KCNMB2: variants seen among roughly 807,000 people sequenced by gnomAD.
The protein encoded by KCNMB2 is calcium-activated potassium channel subunit beta-2.
KCNMB2 carries 9 observed loss-of-function variants against 24.5 expected under a neutral mutation model. The ratio of observed to expected loss-of-function variants is 0.37; its 90% CI spans 0.22 to 0.64. KCNMB2 has a LOEUF of 0.64. Among genes scored for constraint, KCNMB2 ranks in the 30% least tolerant of loss-of-function variants. The pLI, the probability that KCNMB2 is intolerant of heterozygous loss-of-function variation, is 0.63. For missense variants in KCNMB2, 226 were observed against 284.3 expected (o/e 0.79, Z 1.47); for synonymous variants, 109 against 104.4 (o/e 1.04, Z -0.27).
intron 2 of KCNMB2, among the ~76,000 whole-genome samples, chr3:178,824,314 T>C (rs1211922606): frequency 1.3e-5 from 2 of 152,240 alleles, no homozygotes; most frequent in African/African-American, 4.8e-5. Context: ...CATTGAGCTG[T>C]AGCTCCCCAC....
chr3:178,555,799 T>C (rs1320285470), intron 1 of KCNMB2, among the ~76,000 whole-genome samples: 1 of 152,194 alleles, frequency 6.6e-6, no homozygotes, highest in African/African-American at 2.4e-5. Flanking sequence ...AGACTATACA[T>C]ATGGTGCTAT....
intron 2 of KCNMB2, among the ~76,000 whole-genome samples, chr3:178,816,487 A>T (rs904352156): frequency 4.6e-5 from 7 of 151,898 alleles, no homozygotes; most frequent in African/African-American, 1.7e-4. Flanking sequence ...TTTCTGCTCA[A>T]GTTTATTATT....
rs1577066340 is a variant in KCNMB2 at position 178,639,941 on chromosome 3, T to C, written c.-68+103230T>C. Among the ~76,000 whole-genome samples, 3 of 152,352 alleles carry C rather than the reference T, an allele frequency of 2.0e-5. No homozygotes were observed. The South Asian group carries it at 6.2e-4, about 32-fold the overall frequency. ...GGATGGAATCAGTGTGAGCATGTAT[T>C]AACCTCATGGCTAAAAGTAGGAAAG... On this transcript the variant is annotated intron_variant, in intron 1 of 4. Transcript: ENST00000452583.
At chr3:178,745,625 T>C (rs1723640200) in intron 1 of KCNMB2, among the ~76,000 whole-genome samples, 1 of 152,070 alleles carries the variant, frequency 6.6e-6, no homozygotes, top group African/African-American at 2.4e-5. Flanking sequence ...CAAAGTCTCA[T>C]CTGAAAAAAG....
chr3:178,575,465 T>C (rs1034088087), intron 1 of KCNMB2, among the ~76,000 whole-genome samples: 1 of 152,194 alleles, frequency 6.6e-6, no homozygotes, highest in Admixed American at 6.5e-5. Flanking sequence ...CTTCCAAACA[T>C]GTAGAAGCAC....
chr3:178,542,478 A>G (rs895589491), intron 1 of KCNMB2, among the ~76,000 whole-genome samples: 2 of 152,202 alleles, frequency 1.3e-5, no homozygotes, highest in Non-Finnish European at 2.9e-5. Context: ...TTGAACAGAT[A>G]AGAAAACTCA....
chr3:178,760,444 T>TTA (rs1210710601), intron 1 of KCNMB2, among the ~76,000 whole-genome samples: 20 of 141,694 alleles, frequency 1.4e-4, no homozygotes, highest in African/African-American at 3.9e-4. Flanking sequence ...GATATATATA[T>TTA]TATATATATA....
chr3:178,812,358 G>A (rs757150488), intron 2 of KCNMB2, among the ~76,000 whole-genome samples: 2 of 150,344 alleles, frequency 1.3e-5, no homozygotes, highest in South Asian at 4.3e-4. Context: ...TTTAGCATTA[G>A]GTATATCTCC....
rs185892176 is a variant in KCNMB2 at position 178,812,316 on chromosome 3, C to T, written c.56+4851C>T. On this transcript the variant is annotated intron_variant, in intron 2 of 4. Coordinates refer to ENST00000452583, the MANE Select transcript of KCNMB2 (RefSeq NM_181361.3). The stretch of plus-strand genomic sequence containing the variant: ...GTTTGTTACATATGTATACAGGTGC[C>T]ATGATGGTGTGCTGCACCCATTAAC... 2.8e-4 allele frequency among the ~76,000 whole-genome samples: 42 copies of T among 151,686 alleles called. 1 individual carries two copies. The East Asian group carries it at 7.2e-3, about 26-fold the overall frequency.
At chr3:178,671,334 G>A (rs1176904308) in intron 1 of KCNMB2, among the ~76,000 whole-genome samples, 1 of 152,124 alleles carries the variant, frequency 6.6e-6, no homozygotes, top group African/African-American at 2.4e-5. Context: ...CTTTGAGGTT[G>A]ACATAAGATG....
intron 1 of KCNMB2, among the ~76,000 whole-genome samples, chr3:178,641,900 T>G (rs1719741893): frequency 6.6e-6 from 1 of 152,152 alleles, no homozygotes; most frequent in Non-Finnish European, 1.5e-5. Flanking sequence ...TCTTTTTAAC[T>G]TTTATATTTC....
intron 1 of KCNMB2, among the ~76,000 whole-genome samples, chr3:178,712,403 T>G (rs1342461971): frequency 2.6e-5 from 4 of 152,192 alleles, no homozygotes. Context: ...AGTGTGGGGT[T>G]ACGTTGACTC....
At chr3:178,787,436 A>G (rs970212286) in intron 1 of KCNMB2, among the ~76,000 whole-genome samples, 1 of 152,186 alleles carries the variant, frequency 6.6e-6, no homozygotes, top group Non-Finnish European at 1.5e-5. Context: ...AGTATATCAC[A>G]TAAGTTAACT....
At chr3:178,699,889 T>A (rs1185002958) in intron 1 of KCNMB2, among the ~76,000 whole-genome samples, 2 of 152,222 alleles carry the variant, frequency 1.3e-5, no homozygotes, top group East Asian at 3.9e-4. Context: ...AGGGTTCCCC[T>A]CCTGCCGGGG....
At chr3:178,754,045 C>A (rs1013822344) in intron 1 of KCNMB2, among the ~76,000 whole-genome samples, 4 of 151,152 alleles carry the variant, frequency 2.6e-5, no homozygotes, top group Non-Finnish European at 5.9e-5. Context: ...CAGTATTTAT[C>A]TTTCTGTGCC....
At chr3:178,716,350 C>T (rs1722616868) in intron 1 of KCNMB2, among the ~76,000 whole-genome samples, 1 of 152,168 alleles carries the variant, frequency 6.6e-6, no homozygotes, top group African/African-American at 2.4e-5. Flanking sequence ...TATTGCCCTT[C>T]CCATTCAATT....
At chr3:178,799,241 T>C (rs748118130) in intron 1 of KCNMB2, among the ~76,000 whole-genome samples, 10 of 152,122 alleles carry the variant, frequency 6.6e-5, no homozygotes, top group Non-Finnish European at 1.5e-4. Context: ...AGTCAAATTA[T>C]CCTTGTTTGA....
intron 1 of KCNMB2, among the ~76,000 whole-genome samples, chr3:178,688,387 G>T (rs984492952): frequency 2.0e-5 from 3 of 151,980 alleles, no homozygotes; most frequent in South Asian, 4.1e-4. Context: ...GATACCTCAG[G>T]TTCTAAATTA....
rs1194762948 is a variant in KCNMB2 at position 178,754,161 on chromosome 3, T to TATATATAG, written c.-67-53175_-67-53174insGATATATA. Among the ~76,000 whole-genome samples, 701 of 77,726 alleles carry TATATATAG rather than the reference T, an allele frequency of 9.0e-3. 9 individuals carry two copies. Among genetic ancestry groups the TATATATAG allele is most frequent in the Admixed American group, 0.042 (347 of 8,294 alleles). 51.0% of individuals were successfully genotyped at this position (77,726 alleles called of 152,430 possible). ...AATAATATTCCATTGTATATATATA[T>TATATATAG]ATATATATATATATATACACACACA... On this transcript the variant is annotated intron_variant, in intron 1 of 4. Coordinates refer to ENST00000452583, the MANE Select transcript of KCNMB2 (RefSeq NM_181361.3).
Sources: gnomAD v4.1 joint callset for allele counts (sites outside exome capture counted in the v4.1 genomes callset) on GRCh38, gnomAD v4.1.1 for gene constraint, MANE v1.5 for transcripts, NCBI Gene and HGNC (gene_info 2026-07-23, HGNC 2026-07-21) for gene names.